Variants in GAPVD1 observed in about 807,000 individuals in gnomAD.
GAPVD1 encodes the protein GTPase activating protein and VPS9 domains 1.
A neutral mutation model predicts 155.5 loss-of-function variants in GAPVD1; 35 were observed. The observed-to-expected ratio is 0.23, with a 90% confidence interval of 0.17 to 0.30. The LOEUF is 0.30. GAPVD1 is among the 10% of genes least tolerant of loss of function. The probability of loss-of-function intolerance (pLI) is 1.00; values close to 1 mark genes in which losing one functional copy is unlikely to be tolerated. For missense variants in GAPVD1, 1,429 were observed against 1,775.7 expected (o/e 0.80, Z 3.51); for synonymous variants, 636 against 619.7 (o/e 1.03, Z -0.39).
chr9:125,275,666 G>A (rs1413550998), intron 2 of GAPVD1, among the ~76,000 whole-genome samples: 1 of 152,090 alleles, frequency 6.6e-6, no homozygotes, highest in African/African-American at 2.4e-5. Flanking sequence ...GAGGTAGGAC[G>A]ATCACCTGAA....
chr9:125,272,542 G>A (rs550345428), intron 2 of GAPVD1, among the ~76,000 whole-genome samples: 20 of 152,182 alleles, frequency 1.3e-4, no homozygotes, highest in Non-Finnish European at 2.4e-4. Context: ...CATGATAATA[G>A]TAATGGTAAT....
At chr9:125,335,586 A>C (rs1589018517) in intron 15 of GAPVD1, among the ~76,000 whole-genome samples, 1 of 152,088 alleles carries the variant, frequency 6.6e-6, no homozygotes, top group South Asian at 2.1e-4. Context: ...CTGAGGCAGG[A>C]GAATCGCTTG....
At chr9:125,341,433 GC>G in intron 18 of GAPVD1, 169 bp downstream of exon 18, 1 of 533,570 alleles carries the variant, frequency 1.9e-6, no homozygotes, top group Non-Finnish European at 3.3e-6. Context: ...CTAAGGCAGA[GC>G]TTTAGAAATG....
chr9:125,344,826 A>G (rs1352557070), intron 19 of GAPVD1, among the ~76,000 whole-genome samples: 1 of 151,660 alleles, frequency 6.6e-6, no homozygotes, highest in Non-Finnish European at 1.5e-5. Context: ...AAAAAAAGGC[A>G]GTAGCCACAA....
intron 12 of GAPVD1, among the ~76,000 whole-genome samples, chr9:125,327,489 T>C (rs1382179338): frequency 6.6e-6 from 1 of 151,966 alleles, no homozygotes; most frequent in East Asian, 1.9e-4. Flanking sequence ...TAGTAACCAA[T>C]AGGTTTTTTT....
At chr9:125,305,570 C>T (rs1329488333) in intron 6 of GAPVD1, among the ~76,000 whole-genome samples, 1 of 152,108 alleles carries the variant, frequency 6.6e-6, no homozygotes, top group Non-Finnish European at 1.5e-5. Context: ...GGGGTTTCAC[C>T]TTCTTGGCCA....
intron 23 of GAPVD1, among the ~76,000 whole-genome samples, chr9:125,353,763 G>A (rs1468537973): frequency 1.3e-5 from 2 of 152,158 alleles, no homozygotes; most frequent in Admixed American, 6.5e-5. Context: ...TTAGTATCAC[G>A]AGAACAGCAC....
At chr9:125,351,615 C>G (rs1258750657) in intron 23 of GAPVD1, among the ~76,000 whole-genome samples, 1 of 152,238 alleles carries the variant, frequency 6.6e-6, no homozygotes, top group Admixed American at 6.5e-5. Context: ...AAAGGGGCTA[C>G]AGGCCCCATC....
intron 2 of GAPVD1, among the ~76,000 whole-genome samples, chr9:125,270,670 G>A (rs908906664): frequency 8.8e-4 from 133 of 151,888 alleles, no homozygotes; most frequent in Non-Finnish European, 1.6e-3. Flanking sequence ...GAGGCCGGGC[G>A]CAGTGGCTCA....
intron 2 of GAPVD1, among the ~76,000 whole-genome samples, chr9:125,284,180 C>CTTTTTTTTT (rs34335675): frequency 1.1e-5 from 1 of 92,620 alleles, no homozygotes; most frequent in African/African-American, 4.6e-5. Context: ...CCCGCCAGAA[C>CTTTTTTTTT]TTTTTTTTTT....
intron 2 of GAPVD1, among the ~76,000 whole-genome samples, chr9:125,279,201 C>T (rs947744363): frequency 2.0e-5 from 3 of 146,918 alleles, no homozygotes; most frequent in African/African-American, 7.5e-5. Context: ...CAGAACAAGA[C>T]TCCATCTTAA....
intron 2 of GAPVD1, among the ~76,000 whole-genome samples, chr9:125,286,959 C>G (rs1321804272): frequency 6.6e-6 from 1 of 151,978 alleles, no homozygotes; most frequent in Non-Finnish European, 1.5e-5. Flanking sequence ...TCGGGGGTGC[C>G]TGTAATCCTA....
chr9:125,337,689 T>C (rs1847238115), intron 17 of GAPVD1, 98 bp downstream of exon 17: 1 of 1,136,532 alleles, frequency 8.8e-7, no homozygotes, highest in Admixed American at 2.3e-5. Context: ...GGATTACAGA[T>C]AGAGAGTAGT....
At position 125,283,155 on chromosome 9, in the gene GAPVD1, G is replaced by A. The variant is rs559327821; in HGVS notation, c.-149-12303G>A. 3.3e-5 allele frequency among the ~76,000 whole-genome samples: 5 copies of A among 151,556 alleles called. No individual in the cohort carries two copies. The South Asian group carries it at 6.2e-4, about 19-fold the overall frequency. ...GCTCACCACAGCCTCCGCCTCCCAGGTTCAAGCAATTCTCCTGCCTCAGCC... is the reference window on the plus strand; with the variant it reads ...GCTCACCACAGCCTCCGCCTCCCAGATTCAAGCAATTCTCCTGCCTCAGCC... On this transcript the variant is annotated intron_variant, in intron 2 of 27. Transcript: ENST00000297933.
At chr9:125,352,999 T>G (rs1849530915) in intron 23 of GAPVD1, among the ~76,000 whole-genome samples, 1 of 151,964 alleles carries the variant, frequency 6.6e-6, no homozygotes, top group Non-Finnish European at 1.5e-5. Flanking sequence ...TCCTAGCTAC[T>G]TGGGAGGCTG....
chr9:125,268,338 T>C (rs1391266859), intron 1 of GAPVD1, among the ~76,000 whole-genome samples: 1 of 152,054 alleles, frequency 6.6e-6, no homozygotes, highest in Non-Finnish European at 1.5e-5. Context: ...ATAGTTCTTA[T>C]TACCTTACAT....
At chr9:125,343,512 A>C (rs1037445297) in intron 19 of GAPVD1, among the ~76,000 whole-genome samples, 2 of 152,218 alleles carry the variant, frequency 1.3e-5, no homozygotes, top group Non-Finnish European at 2.9e-5. Context: ...GGTTGGTTCC[A>C]TATATTTATA....
At chr9:125,343,052 G>A (rs926246384) in intron 19 of GAPVD1, among the ~76,000 whole-genome samples, 16 of 152,154 alleles carry the variant, frequency 1.1e-4, no homozygotes, top group Non-Finnish European at 1.9e-4. Flanking sequence ...ATTGTTTCCA[G>A]TGGCTATTAT....
chr9:125,321,557 C>A lies in GAPVD1; in HGVS notation c.1727C>A (p.Ser576Tyr). ...SLCSDNLEGI[S>Y]EGPSNRSNSV... is the part of the protein sequence containing the mutation. ...TGCAGTGATAATCTGGAAGGAATAT[C>A]TGAAGGTGAAGGGTTACTTCATTCA... Residue 576 changes from serine (S) to tyrosine (Y), a missense_variant, in exon 10 of 28, where the codon TCT (serine) becomes TAT (tyrosine). Transcript: ENST00000297933. The A allele has an allele frequency of 6.2e-7, 1 of 1,612,994 alleles. No homozygotes were observed. The highest frequency in any genetic ancestry group is 8.5e-7 in the Non-Finnish European group (1 of 1,179,518).
Sources: gnomAD v4.1 joint callset for allele counts (sites outside exome capture counted in the v4.1 genomes callset) on GRCh38, gnomAD v4.1.1 for gene constraint, MANE v1.5 for transcripts, NCBI Gene and HGNC (gene_info 2026-07-23, HGNC 2026-07-21) for gene names.